The following CSMD1 variants were observed in gnomAD, a reference collection of about 807,000 sequenced individuals.
CSMD1 encodes CUB and Sushi multiple domains 1, also known as CUB and sushi domain-containing protein 1.
CSMD1 carries 213 observed loss-of-function variants against 417.5 expected under a neutral mutation model. That is an observed-to-expected ratio of 0.51 (90% CI 0.46 to 0.57). The LOEUF (loss-of-function observed/expected upper bound fraction) is 0.57, where lower values mean the gene tolerates loss of function less well. Ranked by LOEUF, CSMD1 falls within the 20% of genes least tolerant of loss-of-function variation. CSMD1 has a pLI of 0.00. For synonymous variants in CSMD1, 2,862 were observed against 1,736.8 expected, an observed-to-expected ratio of 1.65 and a Z score of -16.11; for missense variants, 6,923 against 4,529.7, an observed-to-expected ratio of 1.53 and a Z score of -15.17.
chr8:3,706,849 A>G (rs185534260), intron 7 of CSMD1, among the ~76,000 whole-genome samples: 91 of 152,318 alleles, frequency 6.0e-4, no homozygotes, highest in Admixed American at 5.5e-3. Flanking sequence ...TTAAAATTTT[A>G]TTTTTAAAAA....
At chr8:4,147,722 C>T (rs955233560) in intron 3 of CSMD1, among the ~76,000 whole-genome samples, 6 of 152,266 alleles carry the variant, frequency 3.9e-5, no homozygotes, top group Non-Finnish European at 5.9e-5. Flanking sequence ...GATGCAGACA[C>T]TGAAGCTCAC....
At chr8:4,412,138 C>G (rs1563145986) in intron 3 of CSMD1, among the ~76,000 whole-genome samples, 2 of 151,968 alleles carry the variant, frequency 1.3e-5, no homozygotes, top group Admixed American at 6.6e-5. Context: ...AAATGATTAG[C>G]TAAATATCTC....
At chr8:4,460,656 G>C (rs754600424) in intron 2 of CSMD1, among the ~76,000 whole-genome samples, 1 of 130,990 alleles carries the variant, frequency 7.6e-6, no homozygotes, top group East Asian at 1.9e-4. Flanking sequence ...AGATATTTAA[G>C]AAGAAGACTG....
At chr8:4,113,884 A>C (rs952389084) in intron 3 of CSMD1, among the ~76,000 whole-genome samples, 12 of 152,310 alleles carry the variant, frequency 7.9e-5, no homozygotes, top group African/African-American at 2.6e-4. Context: ...GAGAGAGGTA[A>C]GGAAGTTGCA....
chr8:4,408,797 G>GA (rs1007529936), intron 3 of CSMD1, among the ~76,000 whole-genome samples: 5 of 151,516 alleles, frequency 3.3e-5, no homozygotes, highest in African/African-American at 7.3e-5. Context: ...TCCATTTAAA[G>GA]AAAAAAAATA....
At chr8:4,199,832 G>A (rs1490767481) in intron 3 of CSMD1, among the ~76,000 whole-genome samples, 1 of 152,156 alleles carries the variant, frequency 6.6e-6, no homozygotes, top group Non-Finnish European at 1.5e-5. Flanking sequence ...CTAGATAACA[G>A]CAGCAACAAA....
chr8:4,552,611 G>C (rs77741646), intron 2 of CSMD1, among the ~76,000 whole-genome samples: 2 of 151,810 alleles, frequency 1.3e-5, no homozygotes, highest in Non-Finnish European at 2.9e-5. Flanking sequence ...ATCACAGTGA[G>C]TTTCAATTGG....
chr8:3,267,082 G>T (rs1317329496), intron 26 of CSMD1, among the ~76,000 whole-genome samples: 1 of 151,608 alleles, frequency 6.6e-6, no homozygotes, highest in African/African-American at 2.4e-5. Flanking sequence ...AGAAGCCAGA[G>T]AGAGGGAAGG....
At chr8:4,422,255 G>C (rs572603676) in intron 2 of CSMD1, among the ~76,000 whole-genome samples, 1 of 152,178 alleles carries the variant, frequency 6.6e-6, no homozygotes, top group Admixed American at 6.6e-5. Context: ...TCCAGAAAGT[G>C]TAAGTGGATA....
At chr8:3,926,439 G>A (rs910305102) in intron 5 of CSMD1, among the ~76,000 whole-genome samples, 1 of 149,524 alleles carries the variant, frequency 6.7e-6, no homozygotes, top group Non-Finnish European at 1.5e-5. Context: ...TATAGAGTCT[G>A]TTATAAATAT....
At chr8:4,834,091 C>T (rs1053838085) in intron 1 of CSMD1, among the ~76,000 whole-genome samples, 2 of 152,180 alleles carry the variant, frequency 1.3e-5, no homozygotes, top group African/African-American at 4.8e-5. Context: ...TAGAGATATT[C>T]AAATGAATTC....
intron 38 of CSMD1, among the ~76,000 whole-genome samples, chr8:3,159,698 C>T (rs1423305877): frequency 3.3e-5 from 5 of 152,078 alleles, no homozygotes; most frequent in East Asian, 1.9e-4. Flanking sequence ...TTGTTTGTAA[C>T]GAAGAAAAGA....
intron 3 of CSMD1, among the ~76,000 whole-genome samples, chr8:4,242,346 C>T (rs1299169339): frequency 6.6e-6 from 1 of 152,154 alleles, no homozygotes; most frequent in East Asian, 1.9e-4. Context: ...AAATTTGCAA[C>T]CTCCCTAAGT....
intron 1 of CSMD1, chr8:4,788,313 T>C: frequency 3.8e-6 from 6 of 1,575,974 alleles, no homozygotes; most frequent in Non-Finnish European, 5.2e-6. Context: ...AAGTAATGGT[T>C]TGGGACCAGT....
At chr8:3,808,652 G>A (rs1382416965) in intron 5 of CSMD1, among the ~76,000 whole-genome samples, 1 of 152,110 alleles carries the variant, frequency 6.6e-6, no homozygotes, top group East Asian at 1.9e-4. Flanking sequence ...GAGCCCAAGG[G>A]ACTTAGGTCT....
intron 3 of CSMD1, among the ~76,000 whole-genome samples, chr8:4,273,152 A>C (rs1804708226): frequency 6.6e-6 from 1 of 152,168 alleles, no homozygotes; most frequent in African/African-American, 2.4e-5. Context: ...ATTTACTCTT[A>C]CCTTTATCTT....
intron 3 of CSMD1, among the ~76,000 whole-genome samples, chr8:4,033,244 T>C (rs1797446372): frequency 6.8e-6 from 1 of 146,242 alleles, no homozygotes; most frequent in South Asian, 2.3e-4. Context: ...ATCGAGACCA[T>C]CCTGGCTAAC....
chr8:3,493,509 G>C, intron 11 of CSMD1, 114 bp downstream of exon 11: 1 of 731,046 alleles, frequency 1.4e-6, no homozygotes, highest in Non-Finnish European at 2.3e-6. Context: ...AGCCATAGAT[G>C]GCACTAAGCA....
intron 2 of CSMD1, among the ~76,000 whole-genome samples, chr8:4,435,486 T>TTA (rs1563170013): frequency 6.6e-6 from 1 of 152,232 alleles, no homozygotes; most frequent in East Asian, 1.9e-4. Flanking sequence ...GGAAGCCCTG[T>TTA]TATGATATGA....
Sources: gnomAD v4.1 joint callset for allele counts (sites outside exome capture counted in the v4.1 genomes callset) on GRCh38, gnomAD v4.1.1 for gene constraint, MANE v1.5 for transcripts, NCBI Gene and HGNC (gene_info 2026-07-23, HGNC 2026-07-21) for gene names.